Variants in ATP6V0A4 observed in about 807,000 individuals in gnomAD.
ATP6V0A4 encodes the protein ATPase H+ transporting V0 subunit a4, also known as V-type proton ATPase 116 kDa subunit a 4.
ATP6V0A4 carries 86 observed loss-of-function variants against 107.3 expected under a neutral mutation model. The ratio of observed to expected loss-of-function variants is 0.80; its 90% CI spans 0.67 to 0.96. The LOEUF (loss-of-function observed/expected upper bound fraction) is 0.96. Ranked by LOEUF, ATP6V0A4 falls within the 40% of genes least tolerant of loss-of-function variation. The pLI is 0.00. For synonymous variants in ATP6V0A4, 353 were observed against 381.4 expected, an observed-to-expected ratio of 0.93 and a Z score of 0.87; for missense variants, 908 against 1,045.6, an observed-to-expected ratio of 0.87 and a Z score of 1.81.
At chr7:138,707,017 T>C (rs962885255) in intron 21 of ATP6V0A4, among the ~76,000 whole-genome samples, 25 of 133,736 alleles carry the variant, frequency 1.9e-4, no homozygotes, top group Non-Finnish European at 3.7e-4. Flanking sequence ...TGTCTCAGCC[T>C]CCTGAGTAGC....
At chr7:138,718,149 A>T (rs1475776497) in intron 19 of ATP6V0A4, among the ~76,000 whole-genome samples, 58 of 40,308 alleles carry the variant, frequency 1.4e-3, no homozygotes, top group South Asian at 2.2e-3. Flanking sequence ...CCAGGAAGGA[A>T]GGGGGGATGC....
intron 12 of ATP6V0A4, 134 bp downstream of exon 12, chr7:138,749,033 C>T: frequency 8.2e-7 from 1 of 1,213,538 alleles, no homozygotes; most frequent in Admixed American, 1.7e-5. Context: ...ACTTATTCCT[C>T]TGATTCCCAC....
intron 19 of ATP6V0A4, among the ~76,000 whole-genome samples, chr7:138,718,278 C>G (rs72503022): frequency 3.5e-4 from 3 of 8,598 alleles, no homozygotes; most frequent in African/African-American, 7.0e-4. Context: ...GAAGGAATGG[C>G]GGTGTGTGTG....
At chr7:138,786,779 C>A (rs975129724) in intron 1 of ATP6V0A4, among the ~76,000 whole-genome samples, 2 of 152,114 alleles carry the variant, frequency 1.3e-5, no homozygotes, top group African/African-American at 4.8e-5. Flanking sequence ...CAGGCATGAG[C>A]CACCACACCC....
intron 1 of ATP6V0A4, among the ~76,000 whole-genome samples, chr7:138,794,417 C>T (rs1385759569): frequency 1.3e-5 from 2 of 152,152 alleles, no homozygotes; most frequent in Non-Finnish European, 2.9e-5. Flanking sequence ...TTCCCTGGGC[C>T]GTTCCAGGCC....
At chr7:138,711,220 G>A (rs6972280) in intron 20 of ATP6V0A4, among the ~76,000 whole-genome samples, 20,620 of 152,090 alleles carry the variant, frequency 0.14, 1,429 homozygotes, top group Middle Eastern at 0.16. Flanking sequence ...AGGCCCTGAG[G>A]GGAGTGAAAT....
At position 138,706,327 on chromosome 7, in the gene ATP6V0A4, A is replaced by G. The variant is rs956566764; in HGVS notation, c.*297T>C. 1.0e-5 allele frequency: 4 copies of G among 386,730 alleles called. No homozygotes were observed. The highest frequency in any genetic ancestry group is 8.2e-5 in the African/African-American group (4 of 48,824). The allele number at this position is 386,730 out of a possible 1,614,324, so 24.0% of individuals were successfully genotyped here. On this transcript the variant is annotated 3_prime_UTR_variant, in exon 22 of 22. Coordinates refer to ENST00000310018, the MANE Select transcript of ATP6V0A4 (RefSeq NM_020632.3). Reference sequence around the variant, plus strand: ...TCAGATGTTTATTTTCTCAAATACAATATTTAAAATATTGCAAGAAGACAT... The same window carrying G: ...TCAGATGTTTATTTTCTCAAATACAGTATTTAAAATATTGCAAGAAGACAT...
intron 1 of ATP6V0A4, among the ~76,000 whole-genome samples, chr7:138,789,673 A>G (rs2130222129): frequency 6.6e-6 from 1 of 151,754 alleles, no homozygotes; most frequent in South Asian, 2.1e-4. Flanking sequence ...ATAATCTTTA[A>G]GAATGTATTA....
intron 19 of ATP6V0A4, among the ~76,000 whole-genome samples, chr7:138,718,471 T>TG (rs1325580015): frequency 7.6e-5 from 1 of 13,182 alleles, no homozygotes. Context: ...ATGGGGGGGA[T>TG]GGCGGGGAGG....
chr7:138,731,320 A>G (rs573017582), intron 17 of ATP6V0A4, among the ~76,000 whole-genome samples: 24 of 152,292 alleles, frequency 1.6e-4, no homozygotes, highest in Admixed American at 9.8e-4. Flanking sequence ...CCGTAGAAGC[A>G]TGACATTAAC....
At chr7:138,721,786 A>G in intron 19 of ATP6V0A4, 111 bp downstream of exon 19, 1 of 1,224,328 alleles carries the variant, frequency 8.2e-7, no homozygotes, top group Non-Finnish European at 1.2e-6. Flanking sequence ...CAGCAGTGAC[A>G]GGGCTACTGC....
At chr7:138,778,771 G>T (rs1348926500) in intron 2 of ATP6V0A4, among the ~76,000 whole-genome samples, 1 of 152,058 alleles carries the variant, frequency 6.6e-6, no homozygotes, top group Non-Finnish European at 1.5e-5. Context: ...CGAGTGGGGA[G>T]TCTGAATTCA....
intron 1 of ATP6V0A4, among the ~76,000 whole-genome samples, 178 bp from the exon 2 acceptor site, chr7:138,786,438 C>A (rs1193610201): frequency 6.6e-6 from 1 of 151,870 alleles, no homozygotes; most frequent in African/African-American, 2.4e-5. Flanking sequence ...ACTTAGCTGG[C>A]CTTCGTGGCA....
chr7:138,740,644 G>A (rs1016893026), intron 14 of ATP6V0A4, among the ~76,000 whole-genome samples: 1 of 150,656 alleles, frequency 6.6e-6, no homozygotes, highest in East Asian at 2.0e-4. Context: ...GTTTCACCAT[G>A]TTGGTCAGGC....
In ATP6V0A4 at chr7:138,755,727, AC is replaced by A. The variant is rs1445362077; in HGVS notation, c.777del (p.Met259IlefsTer7). 6.2e-7 allele frequency: 1 copy of A among 1,613,742 alleles called. No individual in the cohort carries two copies. The highest frequency in any genetic ancestry group is 8.5e-7 in the Non-Finnish European group (1 of 1,180,024). On this transcript the variant is annotated frameshift_variant, in exon 10 of 22. Coordinates refer to ENST00000310018, the MANE Select transcript of ATP6V0A4 (RefSeq NM_020632.3). LOFTEE classifies it high-confidence loss of function. ...CPEPAVERRE[M>X]LESVNVRLED... ...TCCAGCCTCACATTGACGCTCTCCA[AC>A]ATCTCTCTGCGCTCCACCGCAGGCT...
chr7:138,752,490 G>A, intron 11 of ATP6V0A4, 135 bp downstream of exon 11: 1 of 1,131,774 alleles, frequency 8.8e-7, no homozygotes, highest in South Asian at 1.3e-5. Context: ...GTTGATAACT[G>A]AAGACACAAA....
chr7:138,727,195 C>T (rs896969922), intron 18 of ATP6V0A4, among the ~76,000 whole-genome samples: 3 of 151,218 alleles, frequency 2.0e-5, no homozygotes, highest in African/African-American at 7.3e-5. Flanking sequence ...AAGAGGATGG[C>T]TTGAGCCCGG....
intron 2 of ATP6V0A4, among the ~76,000 whole-genome samples, chr7:138,771,579 A>G (rs1807393727): frequency 6.6e-6 from 1 of 151,850 alleles, no homozygotes; most frequent in African/African-American, 2.4e-5. Context: ...CCTGATTCTA[A>G]AAACAAGATA....
chr7:138,752,047 C>T (rs1185293328), intron 11 of ATP6V0A4, among the ~76,000 whole-genome samples: 3 of 152,044 alleles, frequency 2.0e-5, no homozygotes, highest in African/African-American at 7.2e-5. Flanking sequence ...CCCCCCAAAA[C>T]GATAGTCTAG....
Sources: allele counts gnomAD v4.1 joint callset (sites outside exome capture counted in the v4.1 genomes callset), GRCh38; gene constraint gnomAD v4.1.1; transcripts MANE v1.5; gene names NCBI Gene and HGNC (gene_info 2026-07-23, HGNC 2026-07-21).